MMP16: variants seen among roughly 807,000 people sequenced by gnomAD.
MMP16 encodes matrix metalloproteinase-16.
A neutral mutation model predicts 67.8 loss-of-function variants in MMP16; 12 were observed. That is an observed-to-expected ratio of 0.18 (90% CI 0.11 to 0.29). MMP16 has a LOEUF of 0.29. Among genes scored for constraint, MMP16 ranks in the 10% least tolerant of loss-of-function variants. The pLI is 1.00. For synonymous variants in MMP16, 249 were observed against 255.9 expected (o/e 0.97, Z 0.26); for missense variants, 475 against 765.7 (o/e 0.62, Z 4.48).
chr8:88,253,492 C>A (rs909743397), intron 1 of MMP16, among the ~76,000 whole-genome samples: 3 of 152,082 alleles, frequency 2.0e-5, no homozygotes, highest in Non-Finnish European at 2.9e-5. Context: ...CAACAGTCCT[C>A]TGTGGTCTTC....
chr8:88,190,348 G>A (rs191362749), intron 2 of MMP16, among the ~76,000 whole-genome samples: 3 of 152,206 alleles, frequency 2.0e-5, no homozygotes, highest in Admixed American at 6.5e-5. Context: ...CACAGAATCC[G>A]AGCTAAATTG....
intron 1 of MMP16, among the ~76,000 whole-genome samples, chr8:88,205,419 G>T (rs992840664): frequency 6.6e-6 from 1 of 152,108 alleles, no homozygotes; most frequent in Admixed American, 6.6e-5. Context: ...CAGTTTTTAT[G>T]CAAACAAAAC....
intron 1 of MMP16, among the ~76,000 whole-genome samples, chr8:88,266,207 C>T (rs141258822): frequency 6.6e-6 from 1 of 152,226 alleles, no homozygotes; most frequent in African/African-American, 2.4e-5. Flanking sequence ...GGAGTACAAC[C>T]CACGATGGAA....
intron 4 of MMP16, among the ~76,000 whole-genome samples, chr8:88,159,956 T>C (rs1012615886): frequency 3.3e-5 from 5 of 151,722 alleles, no homozygotes; most frequent in African/African-American, 9.7e-5. Context: ...TGTTTTTTTT[T>C]CAAATTATTT....
At chr8:88,310,524 T>G (rs1811278403) in intron 1 of MMP16, among the ~76,000 whole-genome samples, 1 of 152,062 alleles carries the variant, frequency 6.6e-6, no homozygotes, top group African/African-American at 2.4e-5. Context: ...CATTAGAAAC[T>G]AAAACCCATG....
intron 1 of MMP16, among the ~76,000 whole-genome samples, chr8:88,250,844 G>A (rs185146431): frequency 6.6e-4 from 99 of 149,968 alleles, no homozygotes; most frequent in African/African-American, 2.2e-3. Context: ...AGTTACATAC[G>A]CATACATGTG....
Position 88,069,151 on chromosome 8 carries a change from G to A in MMP16, c.1222+5454C>T, listed in dbSNP as rs1335081147. 3 of 234,344 alleles carry A rather than the reference G, an allele frequency of 1.3e-5. No homozygotes were observed. The East Asian group carries it at 4.9e-4, about 39-fold the overall frequency. The allele number at this position is 234,344 out of a possible 1,614,324, so 14.5% of individuals were successfully genotyped here. On this transcript the variant is annotated intron_variant, in intron 7 of 9. Transcript: ENST00000286614. ...CACTGAATGTCAACATAAATCTGGT[G>A]ATAAATGTCATTGTAATAATACTGA...
At chr8:88,265,017 A>G (rs1406653850) in intron 1 of MMP16, among the ~76,000 whole-genome samples, 1 of 152,204 alleles carries the variant, frequency 6.6e-6, no homozygotes, top group Non-Finnish European at 1.5e-5. Context: ...TATGTCTACC[A>G]TGATGAACTT....
chr8:88,249,104 T>C (rs753672704), intron 1 of MMP16, among the ~76,000 whole-genome samples: 1 of 151,566 alleles, frequency 6.6e-6, no homozygotes, highest in Non-Finnish European at 1.5e-5. Context: ...CAGAGAGGCA[T>C]AGGGGACACT....
chr8:88,251,502 T>A (rs1810221222), intron 1 of MMP16, among the ~76,000 whole-genome samples: 1 of 139,642 alleles, frequency 7.2e-6, no homozygotes, highest in Non-Finnish European at 1.5e-5. Context: ...TCAAGATGGA[T>A]TAAAGACTTA....
intron 6 of MMP16, among the ~76,000 whole-genome samples, chr8:88,076,912 A>G (rs753206404): frequency 2.0e-5 from 3 of 152,152 alleles, no homozygotes; most frequent in East Asian, 1.9e-4. Context: ...CCTGGACTAC[A>G]TTCCAGTTTT....
At chr8:88,096,315 T>A (rs1490270740) in intron 6 of MMP16, among the ~76,000 whole-genome samples, 1 of 151,962 alleles carries the variant, frequency 6.6e-6, no homozygotes, top group Non-Finnish European at 1.5e-5. Flanking sequence ...CTTCAGAGTT[T>A]TAGATAATAT....
At chr8:88,184,946 G>A (rs1378273084) in intron 3 of MMP16, among the ~76,000 whole-genome samples, 1 of 151,788 alleles carries the variant, frequency 6.6e-6, no homozygotes, top group African/African-American at 2.4e-5. Context: ...ACTCTGTTTT[G>A]GAAATATAGA....
At chr8:88,113,962 C>T (rs1453897936) in intron 6 of MMP16, among the ~76,000 whole-genome samples, 4 of 151,914 alleles carry the variant, frequency 2.6e-5, no homozygotes, top group Non-Finnish European at 2.9e-5. Context: ...TCAATTATTT[C>T]AGGTAACAAA....
intron 1 of MMP16, among the ~76,000 whole-genome samples, chr8:88,254,448 A>G (rs1810272064): frequency 6.6e-6 from 1 of 151,888 alleles, no homozygotes; most frequent in African/African-American, 2.4e-5. Flanking sequence ...TATACCCCTG[A>G]ACTTAAAATA....
rs2118174883 is a variant in MMP16 at position 88,037,829 on chromosome 8, T to C, written c.*3632A>G. On this transcript the variant is annotated 3_prime_UTR_variant, in exon 10 of 10. Coordinates refer to ENST00000286614, the MANE Select transcript of MMP16 (RefSeq NM_005941.5). Reference sequence around the variant, plus strand: ...CATGAAGACCATTACCTTGTTTACATTTGTGTTTATATTAGATAAAGTAAT... The same window carrying C: ...CATGAAGACCATTACCTTGTTTACACTTGTGTTTATATTAGATAAAGTAAT... 6.6e-6 allele frequency: 1 copy of C among 152,126 alleles called. No homozygotes were observed. Among genetic ancestry groups the C allele is most frequent in the Non-Finnish European group, 1.5e-5 (1 of 67,902 alleles). 9.4% of individuals were successfully genotyped at this position (152,126 alleles called of 1,614,324 possible). A position where few individuals can be genotyped will look rare whatever the true frequency, so the allele number is the denominator to read the frequency against.
At chr8:88,153,356 A>C (rs1299537033) in intron 4 of MMP16, among the ~76,000 whole-genome samples, 1 of 152,048 alleles carries the variant, frequency 6.6e-6, no homozygotes, top group East Asian at 1.9e-4. Flanking sequence ...ACAGAATTGG[A>C]AAAAACTACT....
rs560049276 is a variant in MMP16 at position 88,071,280 on chromosome 8, A to T, written c.1222+3325T>A. On this transcript the variant is annotated intron_variant, in intron 7 of 9. Transcript: ENST00000286614. ...ATACTTTATAACTAAACATTCATTT[A>T]TACATATAGTTGAATCCACATCTTC... Among the ~76,000 whole-genome samples the T allele has an allele frequency of 2.0e-5, 3 of 152,268 alleles. No homozygotes were observed. The East Asian group carries it at 5.8e-4, about 29-fold the overall frequency.
chr8:88,045,654 T>C (rs1249167083), intron 9 of MMP16, among the ~76,000 whole-genome samples: 1 of 152,070 alleles, frequency 6.6e-6, no homozygotes, highest in Non-Finnish European at 1.5e-5. Flanking sequence ...CCTGCCAGTG[T>C]AGAGTTTTCT....
Sources: allele counts gnomAD v4.1 joint callset (sites outside exome capture counted in the v4.1 genomes callset), GRCh38; gene constraint gnomAD v4.1.1; transcripts MANE v1.5; gene names NCBI Gene and HGNC (gene_info 2026-07-23, HGNC 2026-07-21).